PYGO2: variants seen among roughly 807,000 people sequenced by gnomAD.
The protein encoded by PYGO2 is pygopus homolog 2.
PYGO2 carries 9 observed loss-of-function variants against 26.7 expected under a neutral mutation model. The observed-to-expected ratio is 0.34, with a 90% confidence interval of 0.20 to 0.59. PYGO2 has a LOEUF of 0.59. Among genes scored for constraint, PYGO2 ranks in the 20% least tolerant of loss-of-function variants. The pLI, the probability that PYGO2 is intolerant of heterozygous loss-of-function variation, is 0.84. For synonymous variants in PYGO2, 236 were observed against 219.0 expected, an observed-to-expected ratio of 1.08 and a Z score of -0.68; for missense variants, 538 against 561.5, an observed-to-expected ratio of 0.96 and a Z score of 0.42.
In PYGO2 at chr1:154,959,981, C is replaced by T. The variant is rs1405352000; in HGVS notation, c.154-135G>A. ...TCAGGTCTAAAATCAATATGGACCACAGGCCAGGTGCGGTGGCTCACGCCT... is the reference window on the plus strand; with the variant it reads ...TCAGGTCTAAAATCAATATGGACCATAGGCCAGGTGCGGTGGCTCACGCCT... On this transcript the variant is annotated intron_variant, in intron 2 of 2. Coordinates refer to ENST00000368457, the MANE Select transcript of PYGO2 (RefSeq NM_138300.4). The surrounding 1 kb of genome is among the most constrained non-coding windows in gnomAD (Gnocchi z 4.7). 6.3e-6 allele frequency: 3 copies of T among 476,756 alleles called. No homozygotes were observed. Among genetic ancestry groups the T allele is most frequent in the Non-Finnish European group, 1.0e-5 (3 of 295,676 alleles). 29.5% of individuals were successfully genotyped at this position (476,756 alleles called of 1,614,324 possible). A position where few individuals can be genotyped will look rare whatever the true frequency, so the allele number is the denominator to read the frequency against.
rs1308757359 is a variant in PYGO2 at position 154,961,602 on chromosome 1, A to C, written c.-26T>G. 2.6e-6 allele frequency: 2 copies of C among 758,324 alleles called. No homozygotes were observed. The highest frequency in any genetic ancestry group is 7.8e-5 in the Admixed American group (2 of 25,700). The allele number at this position is 758,324 out of a possible 1,614,324, so 47.0% of individuals were successfully genotyped here. On this transcript the variant is annotated 5_prime_UTR_variant, in exon 1 of 3. Transcript: ENST00000368457. ...GGAGTGGGGGACCCGGGTTAGCGGCAGCGGCGGGGGATGGAGGCGCCCTTG... is the reference window on the plus strand; with the variant it reads ...GGAGTGGGGGACCCGGGTTAGCGGCCGCGGCGGGGGATGGAGGCGCCCTTG...
At position 154,958,745 on chromosome 1, in the gene PYGO2, G is replaced by T; in HGVS notation, c.*34C>A. 6.5e-7 allele frequency: 1 copy of T among 1,540,758 alleles called. No homozygotes were observed. Among genetic ancestry groups the T allele is most frequent in the Non-Finnish European group, 8.9e-7 (1 of 1,117,372 alleles). ...AAATCACCCTGGAAGAGCAGGGAGA[G>T]ACATGTGCACTTCCCTGGGCCACTT... On this transcript the variant is annotated 3_prime_UTR_variant, in exon 3 of 3. Coordinates refer to ENST00000368457, the MANE Select transcript of PYGO2 (RefSeq NM_138300.4).
In PYGO2 at chr1:154,959,754, G is replaced by A. The variant is rs371476355; in HGVS notation, c.246C>T (p.Phe82=). The A allele has an allele frequency of 2.5e-5, 35 of 1,396,404 alleles. No homozygotes were observed. The East Asian group carries it at 6.2e-4, about 25-fold the overall frequency. The allele number at this position is 1,396,404 out of a possible 1,614,324, so 86.5% of individuals were successfully genotyped here. A position where few individuals can be genotyped will look rare whatever the true frequency, so the allele number is the denominator to read the frequency against. ...CTGCAACCCCCACTTTGGGGGCTCCGAAGTCATCTTCAAAAGGGTTGGATG... is the reference window on the plus strand; with the variant it reads ...CTGCAACCCCCACTTTGGGGGCTCCAAAGTCATCTTCAAAAGGGTTGGATG... ...LVASNPFEDD[F]GAPKVGVAAP... The change falls in exon 3 of 3, where the codon TTC becomes TTT. Residue 82 remains phenylalanine, a synonymous_variant. Coordinates refer to ENST00000368457, the MANE Select transcript of PYGO2 (RefSeq NM_138300.4). This position sits in a 1 kb window ranked among gnomAD's most constrained non-coding sequence, Gnocchi z 4.7.
rs968414047 is a variant in PYGO2, at chr1:154,959,535, T to G, written c.465A>C (p.Pro155=). 4.2e-6 allele frequency: 6 copies of G among 1,439,274 alleles called. No individual in the cohort carries two copies. The highest frequency in any genetic ancestry group is 2.5e-5 in the East Asian group (1 of 39,296). 89.2% of individuals were successfully genotyped at this position (1,439,274 alleles called of 1,614,324 possible). A position where few individuals can be genotyped will look rare whatever the true frequency, so the allele number is the denominator to read the frequency against. Residue 155 remains proline (P), a synonymous_variant, in exon 3 of 3, where the codon CCA becomes CCC. Coordinates refer to ENST00000368457, the MANE Select transcript of PYGO2 (RefSeq NM_138300.4). The surrounding 1 kb of genome is among the most constrained non-coding windows in gnomAD (Gnocchi z 4.7). ...TGGGAAAGTTCATGTTGCCTGGGGG[T>G]GGGTAGCCAGGACCCTGGGGGGGCA... ...FNMPPQGPGY[P]PPGNMNFPSQ... is the part of the protein sequence containing the mutation.
At position 154,961,520 on chromosome 1, in the gene PYGO2, T is replaced by C. The variant is rs1025239388; in HGVS notation, c.57A>G (p.Ala19=). 1 of 1,428,916 alleles carries C rather than the reference T, an allele frequency of 7.0e-7. No homozygotes were observed. The highest frequency in any genetic ancestry group is 1.5e-5 in the African/African-American group (1 of 66,314). The allele number at this position is 1,428,916 out of a possible 1,614,324, so 88.5% of individuals were successfully genotyped here. A position where few individuals can be genotyped will look rare whatever the true frequency, so the allele number is the denominator to read the frequency against. The change falls in exon 1 of 3, where the codon GCA becomes GCG. Residue 19 remains alanine (A), a synonymous_variant. Coordinates refer to ENST00000368457, the MANE Select transcript of PYGO2 (RefSeq NM_138300.4). ...PDKLEGGGGP[A]PPPAPPSTGR... ...CGGTGCTGGGCGGCGCAGGGGGCGG[T>C]GCGGGGCCGCCACCTCCCTCCAGCT...
chr1:154,957,802 C>G lies in PYGO2; in HGVS notation c.*977G>C, dbSNP rs536610387. On this transcript the variant is annotated 3_prime_UTR_variant, in exon 3 of 3. Transcript: ENST00000368457. Reference sequence around the variant, plus strand: ...GCTGTGACAGGGCCTCACTTGGATCCTTTTATCATGGAGGAAATGAGGTAT... The same window carrying G: ...GCTGTGACAGGGCCTCACTTGGATCGTTTTATCATGGAGGAAATGAGGTAT... The G allele has an allele frequency of 5.2e-5, 8 of 152,784 alleles. No homozygotes were observed. In the East Asian group the frequency reaches 1.5e-3, roughly 29 times the overall value. 9.5% of individuals were successfully genotyped at this position (152,784 alleles called of 1,614,324 possible). A position where few individuals can be genotyped will look rare whatever the true frequency, so the allele number is the denominator to read the frequency against.
At position 154,957,705 on chromosome 1, in the gene PYGO2, G is replaced by A. The variant is rs1312307697; in HGVS notation, c.*1074C>T. 2 of 152,726 alleles carry A rather than the reference G, an allele frequency of 1.3e-5. No individual in the cohort carries two copies. The highest frequency in any genetic ancestry group is 3.8e-4 in the East Asian group (2 of 5,326). The allele number at this position is 152,726 out of a possible 1,614,324, so 9.5% of individuals were successfully genotyped here. A position where few individuals can be genotyped will look rare whatever the true frequency, so the allele number is the denominator to read the frequency against. On this transcript the variant is annotated 3_prime_UTR_variant, in exon 3 of 3. Coordinates refer to ENST00000368457, the MANE Select transcript of PYGO2 (RefSeq NM_138300.4). ...GGATATGAAAGAATAGCAAAGAGAA[G>A]CAACAAACTCCAGGCTCTTCTACCT...
rs528287221 is a variant in PYGO2 at position 154,957,594 on chromosome 1, T to G, written c.*1185A>C. ...AGGCCCATCTCTGGCAGGCAGTGCT[T>G]AAAAAATAAAAAAAGACAAATAAAG... On this transcript the variant is annotated 3_prime_UTR_variant, in exon 3 of 3. Coordinates refer to ENST00000368457, the MANE Select transcript of PYGO2 (RefSeq NM_138300.4). The G allele has an allele frequency of 3.2e-4, 49 of 152,348 alleles. No homozygotes were observed. Among genetic ancestry groups the G allele is most frequent in the African/African-American group, 1.1e-3 (47 of 41,480 alleles). The allele number at this position is 152,348 out of a possible 1,614,324, so 9.4% of individuals were successfully genotyped here.
rs758809432 is a variant in PYGO2, at chr1:154,959,436, C to T, written c.564G>A (p.Gly188=). The T allele has an allele frequency of 6.5e-7, 1 of 1,534,202 alleles. No homozygotes were observed. Among genetic ancestry groups the T allele is most frequent in the Non-Finnish European group, 8.8e-7 (1 of 1,142,492 alleles). The part of the protein sequence containing the change: ...PSGQMMPGPV[G]GFGPMISPTM... The stretch of plus-strand genomic sequence containing the variant: ...TGGGTGAGATCATGGGACCAAATCC[C>T]CCCACTGGGCCCGGCATCATCTGCC... The change falls in exon 3 of 3, where the codon GGG becomes GGA. Residue 188 remains glycine, a synonymous_variant. Transcript: ENST00000368457. This position sits in a 1 kb window ranked among gnomAD's most constrained non-coding sequence, Gnocchi z 4.7.
At position 154,961,475 on chromosome 1, in the gene PYGO2, G is replaced by A. The variant is rs1201487465; in HGVS notation, c.102C>T (p.Ala34=). ...PPSTGRKQGK[A]GLQMKSPEKK... is the part of the protein sequence containing the mutation. Reference sequence around the variant, plus strand: ...CCCCGCCCCTCGCAGCGCGCTCACCGGCCTTGCCCTGCTTCCTCCCGGTGC... The same window carrying A: ...CCCCGCCCCTCGCAGCGCGCTCACCAGCCTTGCCCTGCTTCCTCCCGGTGC... The change falls in exon 1 of 3, where the codon GCC becomes GCT. Residue 34 remains alanine (A), a splice_region_variant and synonymous_variant. Coordinates refer to ENST00000368457, the MANE Select transcript of PYGO2 (RefSeq NM_138300.4). 2 of 1,485,014 alleles carry A rather than the reference G, an allele frequency of 1.3e-6. No homozygotes were observed. The highest frequency in any genetic ancestry group is 2.3e-5 in the Admixed American group (1 of 43,802). The allele number at this position is 1,485,014 out of a possible 1,614,324, so 92.0% of individuals were successfully genotyped here.
In PYGO2 at chr1:154,959,473, C is replaced by A; in HGVS notation, c.527G>T (p.Ser176Ile). Reference protein sequence around the residue: ...PFNQPLGQNFSPPSGQMMPGP... With the variant: ...PFNQPLGQNFIPPSGQMMPGP... ...CGGCATCATCTGCCCACTGGGAGGA[C>A]TAAAGTTTTGACCCAGAGGCTGGTT... The change falls in exon 3 of 3, where the codon AGT (serine) becomes ATT (isoleucine). Residue 176 changes from serine to isoleucine, a missense_variant. Physicochemically the swap from Ser to Ile is moderately radical, Grantham distance 142. Around this residue, in one of 4 missense-constraint regions of PYGO2, gnomAD observed 381 missense variants for 336.6 expected, o/e 1.13. Transcript: ENST00000368457. This position sits in a 1 kb window ranked among gnomAD's most constrained non-coding sequence, Gnocchi z 4.7. 1 of 1,501,304 alleles carries A rather than the reference C, an allele frequency of 6.7e-7. No individual in the cohort carries two copies. The highest frequency in any genetic ancestry group is 1.4e-5 in the South Asian group (1 of 73,346). The allele number at this position is 1,501,304 out of a possible 1,614,324, so 93.0% of individuals were successfully genotyped here. A position where few individuals can be genotyped will look rare whatever the true frequency, so the allele number is the denominator to read the frequency against.
In PYGO2 at chr1:154,959,469, A is replaced by G; in HGVS notation, c.531T>C (p.Pro177=). 1 of 1,506,384 alleles carries G rather than the reference A, an allele frequency of 6.6e-7. No individual in the cohort carries two copies. The highest frequency in any genetic ancestry group is 1.4e-5 in the African/African-American group (1 of 71,352). 93.3% of individuals were successfully genotyped at this position (1,506,384 alleles called of 1,614,324 possible). ...GGCCCGGCATCATCTGCCCACTGGG[A>G]GGACTAAAGTTTTGACCCAGAGGCT... ...FNQPLGQNFS[P]PSGQMMPGPV... is the part of the protein sequence containing the mutation. The change falls in exon 3 of 3, where the codon CCT becomes CCC. Residue 177 remains proline, a synonymous_variant. Coordinates refer to ENST00000368457, the MANE Select transcript of PYGO2 (RefSeq NM_138300.4). The surrounding 1 kb of genome is among the most constrained non-coding windows in gnomAD (Gnocchi z 4.7).
rs750392591 is a variant in PYGO2, at chr1:154,959,121, C to T, written c.879G>A (p.Pro293=). 18 of 1,602,084 alleles carry T rather than the reference C, an allele frequency of 1.1e-5. No individual in the cohort carries two copies. The highest frequency in any genetic ancestry group is 1.7e-4 in the Middle Eastern group (1 of 6,000). ...TGCCCCCACCCCGCCCACTGCTGTT[C>T]GGGGGGAAACTGGGCTGGTTCCCAT... ...AVNGNQPSFP[P]NSSGRGGGTP... The change falls in exon 3 of 3, where the codon CCG becomes CCA. Residue 293 remains proline, a synonymous_variant. Transcript: ENST00000368457. This position sits in a 1 kb window ranked among gnomAD's most constrained non-coding sequence, Gnocchi z 4.7.
chr1:154,960,838 AG>A, intron 2 of PYGO2, 138 bp downstream of exon 2: 1 of 901,420 alleles, frequency 1.1e-6, no homozygotes, highest in Non-Finnish European at 1.9e-6. Flanking sequence ...CGAAAGAACA[AG>A]AAGCAAAGCA....
chr1:154,959,797 ATGGGAGTTGGGGGT>A lies in PYGO2; in HGVS notation c.189_202del (p.Pro64GlyfsTer11). On this transcript the variant is annotated frameshift_variant, in exon 3 of 3. Transcript: ENST00000368457. LOFTEE classifies it high-confidence loss of function. The surrounding 1 kb of genome is among the most constrained non-coding windows in gnomAD (Gnocchi z 4.7). ...GTTGGATGCAACCAGGTGATCCACC[ATGGGAGTTGGGGGT>A]GGTGCAAACTCCGTCAGATGTGAGT... is the stretch of plus-strand genomic sequence containing the variant. The A allele has an allele frequency of 7.3e-7, 1 of 1,378,024 alleles. No individual in the cohort carries two copies. The highest frequency in any genetic ancestry group is 2.8e-5 in the Admixed American group (1 of 35,094). 85.4% of individuals were successfully genotyped at this position (1,378,024 alleles called of 1,614,324 possible).
At position 154,958,587 on chromosome 1, in the gene PYGO2, T is replaced by G. The variant is rs1655248817; in HGVS notation, c.*192A>C. 1.7e-6 allele frequency: 1 copy of G among 592,330 alleles called. No individual in the cohort carries two copies. Among genetic ancestry groups the G allele is most frequent in the Admixed American group, 3.0e-5 (1 of 33,394 alleles). The allele number at this position is 592,330 out of a possible 1,614,324, so 36.7% of individuals were successfully genotyped here. A position where few individuals can be genotyped will look rare whatever the true frequency, so the allele number is the denominator to read the frequency against. Reference sequence around the variant, plus strand: ...CTCTGTAGATCTCAACATGTAAGTTTCCCAAAACAGTGAGCAATCCAGGCT... The same window carrying G: ...CTCTGTAGATCTCAACATGTAAGTTGCCCAAAACAGTGAGCAATCCAGGCT... On this transcript the variant is annotated 3_prime_UTR_variant, in exon 3 of 3. Coordinates refer to ENST00000368457, the MANE Select transcript of PYGO2 (RefSeq NM_138300.4).
intron 1 of PYGO2, 58 bp downstream of exon 1, chr1:154,961,416 C>T: frequency 8.7e-7 from 1 of 1,151,276 alleles, no homozygotes. Context: ...CCATCCCTCC[C>T]CTCTGAGGTT....
At position 154,957,439 on chromosome 1, in the gene PYGO2, GT is replaced by G. The variant is rs1447923938; in HGVS notation, c.*1339del. 1.3e-5 allele frequency: 2 copies of G among 152,340 alleles called. No homozygotes were observed. The highest frequency in any genetic ancestry group is 2.9e-5 in the Non-Finnish European group (2 of 68,086). 9.4% of individuals were successfully genotyped at this position (152,340 alleles called of 1,614,324 possible). On this transcript the variant is annotated 3_prime_UTR_variant, in exon 3 of 3. Transcript: ENST00000368457. ...AGGGGACCACTAGGTCTTTGCCACT[GT>G]ATCTTGAGCTGGGGGACTCCTAACT...
chr1:154,960,637 A>G (rs2101996340), intron 2 of PYGO2, among the ~76,000 whole-genome samples: 1 of 152,258 alleles, frequency 6.6e-6, no homozygotes, highest in South Asian at 2.1e-4. Flanking sequence ...CTATCTCCCC[A>G]AACTGTTAAA....
Sources: gnomAD v4.1 joint callset for allele counts (sites outside exome capture counted in the v4.1 genomes callset) on GRCh38, gnomAD v4.1.1 for gene constraint, gnomAD v4.1.1 regional missense constraint, Gnocchi (gnomAD v3.1) non-coding constraint, MANE v1.5 for transcripts, NCBI Gene and HGNC (gene_info 2026-07-23, HGNC 2026-07-21) for gene names.